Variants in SPTLC3 observed in about 807,000 individuals in gnomAD.
SPTLC3 encodes the protein serine palmitoyltransferase long chain base subunit 3.
A neutral mutation model predicts 59.3 loss-of-function variants in SPTLC3; 36 were observed. The observed-to-expected ratio is 0.61, with a 90% CI of 0.47 to 0.80. SPTLC3 has a LOEUF of 0.80. SPTLC3 is among the 30% of genes least tolerant of loss of function. The pLI is 0.00. For synonymous variants in SPTLC3, 257 were observed against 240.8 expected, an observed-to-expected ratio of 1.07 and a Z score of -0.62; for missense variants, 625 against 685.1, an observed-to-expected ratio of 0.91 and a Z score of 0.98.
chr20:13,032,234 C>T (rs1266745418), intron 1 of SPTLC3, among the ~76,000 whole-genome samples: 2 of 152,194 alleles, frequency 1.3e-5, no homozygotes, highest in African/African-American at 4.8e-5. Context: ...CAGAATAATG[C>T]AGCCATTGCA....
intron 1 of SPTLC3, among the ~76,000 whole-genome samples, chr20:13,038,063 A>ATATATATATATATATATATATATAATT (rs1568573202): frequency 2.3e-5 from 3 of 130,328 alleles, no homozygotes; most frequent in African/African-American, 1.0e-4. Flanking sequence ...TATATATAAT[A>ATATATATATATATATATATATATAATT]TATCTTCATT....
intron 8 of SPTLC3, 27 bp from the exon 9 acceptor site, chr20:13,126,564 T>A (rs1375394618): frequency 1.2e-6 from 2 of 1,612,024 alleles, no homozygotes; most frequent in Non-Finnish European, 1.7e-6. Context: ...ATTTGCCTTC[T>A]TTTTGGGTTT....
At chr20:13,035,359 C>A (rs1986688266) in intron 1 of SPTLC3, among the ~76,000 whole-genome samples, 1 of 152,116 alleles carries the variant, frequency 6.6e-6, no homozygotes, top group Non-Finnish European at 1.5e-5. Flanking sequence ...GCGGCCTGAA[C>A]AACTTGAGTT....
At chr20:13,120,029 T>C (rs1196304064) in intron 8 of SPTLC3, among the ~76,000 whole-genome samples, 2 of 152,246 alleles carry the variant, frequency 1.3e-5, no homozygotes, top group Admixed American at 1.3e-4. Context: ...AGTTTCATTA[T>C]GTATAATTTC....
At chr20:13,082,475 C>T (rs1988873021) in intron 4 of SPTLC3, among the ~76,000 whole-genome samples, 1 of 151,064 alleles carries the variant, frequency 6.6e-6, no homozygotes, top group Non-Finnish European at 1.5e-5. Flanking sequence ...AAGAATAAGA[C>T]TTGTGACACA....
chr20:13,105,375 A>G (rs921826539), intron 6 of SPTLC3, among the ~76,000 whole-genome samples: 1 of 152,168 alleles, frequency 6.6e-6, no homozygotes, highest in Non-Finnish European at 1.5e-5. Context: ...ATCTCCATTC[A>G]AGTCAAACAC....
Position 13,088,784 on chromosome 20 carries a change from A to ATTTTT in SPTLC3, c.608-2285_608-2281dup, listed in dbSNP as rs375680092. ...TAGGCACCCGCCACTGCACCCGGCT[A>ATTTTT]TTTTTTTTTTTTTTTTTTGTATTTT... is the stretch of plus-strand genomic sequence containing the variant. On this transcript the variant is annotated intron_variant, in intron 4 of 11. Coordinates refer to ENST00000399002, the MANE Select transcript of SPTLC3 (RefSeq NM_018327.4). Among the ~76,000 whole-genome samples the ATTTTT allele has an allele frequency of 2.1e-3, 238 of 111,838 alleles. 8 individuals carry two copies. In the East Asian group the frequency reaches 0.035, roughly 16 times the overall value. 73.4% of individuals were successfully genotyped at this position (111,838 alleles called of 152,430 possible). A position where few individuals can be genotyped will look rare whatever the true frequency, so the allele number is the denominator to read the frequency against.
intron 4 of SPTLC3, among the ~76,000 whole-genome samples, chr20:13,089,236 G>A (rs1013268849): frequency 2.0e-5 from 3 of 152,082 alleles, no homozygotes; most frequent in South Asian, 2.1e-4. Flanking sequence ...CAATACTTCC[G>A]TAACTTAAAT....
intron 4 of SPTLC3, among the ~76,000 whole-genome samples, chr20:13,087,339 A>G (rs1478258914): frequency 6.6e-6 from 1 of 152,180 alleles, no homozygotes; most frequent in Admixed American, 6.5e-5. Flanking sequence ...ACTTCTGCTC[A>G]TGCACTTCTG....
In SPTLC3 at chr20:13,158,761, G is replaced by A. The variant is rs531179722; in HGVS notation, c.1416-1242G>A. Among the ~76,000 whole-genome samples, 4 of 152,304 alleles carry A rather than the reference G, an allele frequency of 2.6e-5. No individual in the cohort carries two copies. The East Asian group carries it at 7.7e-4, about 29-fold the overall frequency. On this transcript the variant is annotated intron_variant, in intron 10 of 11. Transcript: ENST00000399002. ...AGAGGCTGTGTGTCTTGTGGGTCCTGCAGTCTCCATTGCTTCATCTGATAA... is the reference window on the plus strand; with the variant it reads ...AGAGGCTGTGTGTCTTGTGGGTCCTACAGTCTCCATTGCTTCATCTGATAA...
At chr20:13,055,780 G>GA (rs1987696987) in intron 2 of SPTLC3, among the ~76,000 whole-genome samples, 1 of 152,166 alleles carries the variant, frequency 6.6e-6, no homozygotes, top group African/African-American at 2.4e-5. Context: ...CAGCACCTGT[G>GA]AGGCAGAGAA....
intron 6 of SPTLC3, among the ~76,000 whole-genome samples, chr20:13,095,483 T>C (rs906927174): frequency 7.9e-5 from 12 of 152,158 alleles, no homozygotes; most frequent in African/African-American, 2.7e-4. Context: ...ATCTGTCATA[T>C]AGATAGATAG....
intron 11 of SPTLC3, 39 bp downstream of exon 11, chr20:13,160,171 A>G (rs2038866127): frequency 3.2e-6 from 5 of 1,573,598 alleles, no homozygotes; most frequent in Non-Finnish European, 4.3e-6. Context: ...CAGTACCAGT[A>G]CCTTGGATTC....
At chr20:13,074,152 C>T (rs964998300) in intron 3 of SPTLC3, 197 bp from the exon 4 acceptor site, 4 of 773,486 alleles carry the variant, frequency 5.2e-6, no homozygotes, top group African/African-American at 1.7e-5. Flanking sequence ...CTGGATCCTC[C>T]GAGGGAAACC....
At chr20:13,157,273 C>A (rs1005400883) in intron 10 of SPTLC3, among the ~76,000 whole-genome samples, 173 of 143,460 alleles carry the variant, frequency 1.2e-3, no homozygotes, top group Non-Finnish European at 1.1e-3. Flanking sequence ...ACTAAAAGTA[C>A]AAAAAAAAAA....
intron 10 of SPTLC3, among the ~76,000 whole-genome samples, chr20:13,155,053 T>C (rs1424193765): frequency 6.6e-6 from 1 of 151,932 alleles, no homozygotes; most frequent in South Asian, 2.1e-4. Flanking sequence ...TGGTGGTGCA[T>C]GCCTGTAGTC....
intron 9 of SPTLC3, among the ~76,000 whole-genome samples, chr20:13,127,013 C>T (rs946351591): frequency 6.6e-6 from 1 of 152,232 alleles, no homozygotes. Context: ...CGCACGTGAG[C>T]GTGCACATGT....
chr20:13,125,101 T>C (rs552707928), intron 8 of SPTLC3, among the ~76,000 whole-genome samples: 1 of 152,282 alleles, frequency 6.6e-6, no homozygotes, highest in African/African-American at 2.4e-5. Flanking sequence ...TGAGACACTG[T>C]ATAGGTGGGC....
Position 13,067,044 on chromosome 20 carries a change from C to CAT in SPTLC3, c.304-5155_304-5154dup, listed in dbSNP as rs143918659. Reference sequence around the variant, plus strand: ...TGTTTATATAAAAATGTCACTTCTACATATATATATATATATATATATATA... The same window carrying CAT: ...TGTTTATATAAAAATGTCACTTCTACATATATATATATATATATATATATATA... On this transcript the variant is annotated intron_variant, in intron 2 of 11. Coordinates refer to ENST00000399002, the MANE Select transcript of SPTLC3 (RefSeq NM_018327.4). Among the ~76,000 whole-genome samples, 19 of 71,114 alleles carry CAT rather than the reference C, an allele frequency of 2.7e-4. 1 individual carries two copies. Among genetic ancestry groups the CAT allele is most frequent in the South Asian group, 6.2e-4 (1 of 1,608 alleles). 46.7% of individuals were successfully genotyped at this position (71,114 alleles called of 152,430 possible).
Sources: gnomAD v4.1 joint callset for allele counts (sites outside exome capture counted in the v4.1 genomes callset) on GRCh38, gnomAD v4.1.1 for gene constraint, MANE v1.5 for transcripts, NCBI Gene and HGNC (gene_info 2026-07-23, HGNC 2026-07-21) for gene names.